DMC1: variants seen among roughly 807,000 people sequenced by gnomAD.
DMC1 encodes DNA meiotic recombinase 1.
DMC1 carries 27 observed loss-of-function variants against 50.1 expected under a neutral mutation model. That is an observed-to-expected ratio of 0.54 (90% CI 0.40 to 0.74). DMC1 has a LOEUF of 0.74. DMC1 is among the 30% of genes least tolerant of loss of function. DMC1 has a pLI of 0.00. For missense variants in DMC1, 295 were observed against 420.2 expected (o/e 0.70, Z 2.60); for synonymous variants, 148 against 136.1 (o/e 1.09, Z -0.61).
chr22:38,566,657 A>G lies in DMC1; in HGVS notation c.176T>C (p.Leu59Pro). 1 of 1,613,936 alleles carries G rather than the reference A, an allele frequency of 6.2e-7. No homozygotes were observed. Among genetic ancestry groups the G allele is most frequent in the Non-Finnish European group, 8.5e-7 (1 of 1,179,774 alleles). ...TTCTGAGAGTCCTTTGACATTGCAT[A>G]GAGCTCTTCTTGTTGTCATCTGTAT... ...KGIQMTTRRA[L>P]CNVKGLSEAK... is the part of the protein sequence containing the mutation. The change falls in exon 4 of 14, where the codon CTA becomes CCA. Residue 59 changes from leucine (L) to proline (P), a missense_variant. Transcript: ENST00000216024.
At chr22:38,520,410 G>A (rs1457275693) in intron 13 of DMC1, among the ~76,000 whole-genome samples, 1 of 151,470 alleles carries the variant, frequency 6.6e-6, no homozygotes, top group African/African-American at 2.4e-5. Context: ...TTGTCCCCCA[G>A]GCAATGGTGA....
At position 38,519,391 on chromosome 22, in the gene DMC1, C is replaced by T. The variant is rs2089999943; in HGVS notation, c.*629G>A. ...ATACATTTTTTAAAAGTAATTTCTGCTTGTCAAAGTCAAATGATTTAAAAT... is the reference window on the plus strand; with the variant it reads ...ATACATTTTTTAAAAGTAATTTCTGTTTGTCAAAGTCAAATGATTTAAAAT... On this transcript the variant is annotated 3_prime_UTR_variant, in exon 14 of 14. Transcript: ENST00000216024. 6.6e-6 allele frequency: 1 copy of T among 152,626 alleles called. No homozygotes were observed. The highest frequency in any genetic ancestry group is 2.4e-5 in the African/African-American group (1 of 41,404). 9.5% of individuals were successfully genotyped at this position (152,626 alleles called of 1,614,324 possible). A position where few individuals can be genotyped will look rare whatever the true frequency, so the allele number is the denominator to read the frequency against.
At chr22:38,533,012 G>A (rs1260057953) in intron 12 of DMC1, among the ~76,000 whole-genome samples, 1 of 152,058 alleles carries the variant, frequency 6.6e-6, no homozygotes, top group Non-Finnish European at 1.5e-5. Flanking sequence ...GATTTCCCCT[G>A]CTCAATCTTT....
intron 6 of DMC1, among the ~76,000 whole-genome samples, chr22:38,553,956 CA>C (rs35690372): frequency 0.03 from 1,045 of 34,784 alleles, 1 homozygote; most frequent in African/African-American, 0.063. Flanking sequence ...ACTCCATCTC[CA>C]AAAAAAAAAA....
intron 8 of DMC1, among the ~76,000 whole-genome samples, chr22:38,543,797 G>A (rs1257764486): frequency 6.6e-6 from 1 of 152,108 alleles, no homozygotes; most frequent in Non-Finnish European, 1.5e-5. Context: ...GCTCTGACCT[G>A]AGTCACCTTT....
chr22:38,531,611 C>T (rs1314951108), intron 12 of DMC1, among the ~76,000 whole-genome samples: 1 of 151,936 alleles, frequency 6.6e-6, no homozygotes, highest in Non-Finnish European at 1.5e-5. Context: ...TTAGCTGTGG[C>T]AACTTTTGTG....
At chr22:38,534,838 C>A (rs1310005162) in intron 12 of DMC1, among the ~76,000 whole-genome samples, 1 of 150,668 alleles carries the variant, frequency 6.6e-6, no homozygotes, top group African/African-American at 2.4e-5. Flanking sequence ...CCTGTCTCTA[C>A]TAAAAATACA....
At position 38,538,577 on chromosome 22, in the gene DMC1, C is replaced by G. The variant is rs774320642; in HGVS notation, c.622G>C (p.Ala208Pro). Residue 208 changes from alanine (A) to proline (P), a missense_variant, in exon 10 of 14, where the codon GCA (alanine) becomes CCA (proline). Transcript: ENST00000216024. ...HQMELLDYVA[A>P]KFHEEAGIFK... ...ATGCCAGCTTCTTCATGGAACTTTGCTGCTACATAATCAAGTAGCTCCATC... is the reference window on the plus strand; with the variant it reads ...ATGCCAGCTTCTTCATGGAACTTTGGTGCTACATAATCAAGTAGCTCCATC... 6.2e-7 allele frequency: 1 copy of G among 1,614,020 alleles called. No individual in the cohort carries two copies. Among genetic ancestry groups the G allele is most frequent in the Non-Finnish European group, 8.5e-7 (1 of 1,179,984 alleles).
intron 9 of DMC1, 84 bp from the exon 10 acceptor site, chr22:38,538,696 A>T: frequency 8.4e-7 from 1 of 1,192,244 alleles, no homozygotes; most frequent in East Asian, 2.3e-5. Context: ...GAGCCAGGCA[A>T]AATAAATTCC....
chr22:38,534,768 A>G (rs1415578917), intron 12 of DMC1, among the ~76,000 whole-genome samples: 2 of 145,578 alleles, frequency 1.4e-5, no homozygotes, highest in African/African-American at 2.6e-5. Flanking sequence ...TTGGGAGGCC[A>G]AGGTGGGTGG....
chr22:38,545,546 C>T (rs1320148475), intron 8 of DMC1, among the ~76,000 whole-genome samples: 6 of 152,268 alleles, frequency 3.9e-5, no homozygotes, highest in Admixed American at 1.3e-4. Flanking sequence ...CTCAGCCTCC[C>T]GAGTAGCTGG....
chr22:38,548,946 T>C (rs1177069532), intron 8 of DMC1, among the ~76,000 whole-genome samples: 2 of 152,192 alleles, frequency 1.3e-5, no homozygotes, highest in Non-Finnish European at 1.5e-5. Context: ...ACATAACTAT[T>C]CTCCTAGTAT....
chr22:38,537,543 C>T, intron 12 of DMC1, 49 bp downstream of exon 12: 2 of 1,529,706 alleles, frequency 1.3e-6, no homozygotes, highest in Non-Finnish European at 1.8e-6. Flanking sequence ...CGCTCTAACC[C>T]TCTTTATATT....
intron 2 of DMC1, 140 bp downstream of exon 2, chr22:38,568,066 A>C: frequency 1.3e-6 from 1 of 784,742 alleles, no homozygotes; most frequent in Non-Finnish European, 2.2e-6. Context: ...ATCCTTGCCA[A>C]ACAAGTTGTT....
At chr22:38,544,571 G>A (rs144123400) in intron 8 of DMC1, among the ~76,000 whole-genome samples, 7 of 152,032 alleles carry the variant, frequency 4.6e-5, no homozygotes, top group East Asian at 3.9e-4. Context: ...GGCACACGTC[G>A]TCAGGACTTC....
chr22:38,535,701 A>G (rs1288066020), intron 12 of DMC1, among the ~76,000 whole-genome samples: 2 of 151,412 alleles, frequency 1.3e-5, no homozygotes, highest in East Asian at 3.9e-4. Flanking sequence ...TCTGCCTCCC[A>G]GGTTCAAGTG....
the DMC1 span, among the ~76,000 whole-genome samples, chr22:38,513,744 A>AT: frequency 2.0e-5 from 3 of 151,912 alleles, no homozygotes; most frequent in Admixed American, 6.6e-5. Context: ...AACCCGACTA[A>AT]TTTTTTTGTT....
chr22:38,544,509 T>C (rs2090320416), intron 8 of DMC1, among the ~76,000 whole-genome samples: 1 of 152,210 alleles, frequency 6.6e-6, no homozygotes, highest in Non-Finnish European at 1.5e-5. Flanking sequence ...TACTGATAGA[T>C]GTCTCATGTC....
chr22:38,552,951 G>A (rs1302641918), intron 6 of DMC1, among the ~76,000 whole-genome samples: 2 of 151,376 alleles, frequency 1.3e-5, no homozygotes, highest in African/African-American at 2.4e-5. Flanking sequence ...GGGTTCAAGC[G>A]ATTCTCCTGA....
Sources: allele counts gnomAD v4.1 joint callset (sites outside exome capture counted in the v4.1 genomes callset), GRCh38; gene constraint gnomAD v4.1.1; transcripts MANE v1.5; gene names NCBI Gene and HGNC (gene_info 2026-07-23, HGNC 2026-07-21).